RABGAP1L: variants seen among roughly 807,000 people sequenced by gnomAD.
RABGAP1L encodes RAB GTPase activating protein 1 like.
RABGAP1L carries 63 observed loss-of-function variants against 137.7 expected under a neutral mutation model. The observed-to-expected ratio is 0.46, with a 90% CI of 0.37 to 0.56. The LOEUF (loss-of-function observed/expected upper bound fraction) is 0.56. Among genes scored for constraint, RABGAP1L ranks in the 20% least tolerant of loss-of-function variants. RABGAP1L has a pLI of 0.00. For synonymous variants in RABGAP1L, 431 were observed against 433.7 expected, an observed-to-expected ratio of 0.99 and a Z score of 0.08; for missense variants, 1,095 against 1,244.0, an observed-to-expected ratio of 0.88 and a Z score of 1.80.
intron 11 of RABGAP1L, among the ~76,000 whole-genome samples, chr1:174,330,482 G>A (rs1190634006): frequency 1.3e-5 from 2 of 152,132 alleles, no homozygotes; most frequent in Non-Finnish European, 2.9e-5. Context: ...CTACTCAGGA[G>A]ACTGAGGGAG....
At chr1:174,554,424 G>C (rs749418768) in intron 13 of RABGAP1L, among the ~76,000 whole-genome samples, 9 of 152,134 alleles carry the variant, frequency 5.9e-5, no homozygotes, top group Non-Finnish European at 1.3e-4. Flanking sequence ...GGTGGCTGTA[G>C]AACTGAAATC....
intron 13 of RABGAP1L, among the ~76,000 whole-genome samples, chr1:174,420,482 A>G (rs1651126761): frequency 6.6e-6 from 1 of 152,158 alleles, no homozygotes. Context: ...TTGTTGACTG[A>G]GAGAACATTA....
At chr1:174,494,352 T>C (rs1351710789) in intron 13 of RABGAP1L, among the ~76,000 whole-genome samples, 7 of 152,198 alleles carry the variant, frequency 4.6e-5, no homozygotes, top group Non-Finnish European at 8.8e-5. Flanking sequence ...ACAGACCTGC[T>C]CAGTAGACTT....
At chr1:174,610,839 T>G (rs1671175165) in intron 13 of RABGAP1L, among the ~76,000 whole-genome samples, 1 of 152,238 alleles carries the variant, frequency 6.6e-6, no homozygotes, top group Admixed American at 6.5e-5. Context: ...GTTTTTTGGC[T>G]GCATAAATGT....
At chr1:174,972,488 A>C (rs1670221000) in intron 21 of RABGAP1L, among the ~76,000 whole-genome samples, 1 of 152,236 alleles carries the variant, frequency 6.6e-6, no homozygotes, top group African/African-American at 2.4e-5. Context: ...AACTTTCAGT[A>C]TCAATGAGAC....
intron 23 of RABGAP1L, 74 bp from the exon 24 acceptor site, chr1:174,982,759 AT>A: frequency 7.3e-7 from 1 of 1,377,438 alleles, no homozygotes; most frequent in Non-Finnish European, 1.0e-6. Flanking sequence ...TAACACATGA[AT>A]TGATAAGTAG....
intron 7 of RABGAP1L, among the ~76,000 whole-genome samples, chr1:174,267,417 C>T (rs1380750008): frequency 6.6e-6 from 1 of 152,092 alleles, no homozygotes; most frequent in Non-Finnish European, 1.5e-5. Context: ...TCAGTGGACT[C>T]TAGATATGCA....
intron 17 of RABGAP1L, among the ~76,000 whole-genome samples, chr1:174,723,690 A>G (rs1572932964): frequency 6.6e-6 from 1 of 152,270 alleles, no homozygotes; most frequent in East Asian, 1.9e-4. Context: ...TAAAATTTGC[A>G]GTTTGCTGCA....
chr1:174,700,998 C>T (rs1229297228), intron 16 of RABGAP1L: 5 of 1,200,792 alleles, frequency 4.2e-6, no homozygotes, highest in African/African-American at 1.6e-5. Flanking sequence ...AGCATTTGGA[C>T]GTTCCATTTG....
At chr1:174,550,935 C>CAT (rs1214806445) in intron 13 of RABGAP1L, among the ~76,000 whole-genome samples, 1 of 81,776 alleles carries the variant, frequency 1.2e-5, no homozygotes, top group Non-Finnish European at 2.2e-5. Flanking sequence ...TATATATACA[C>CAT]ATATATATAC....
intron 18 of RABGAP1L, among the ~76,000 whole-genome samples, chr1:174,766,515 A>G (rs1685682678): frequency 6.6e-6 from 1 of 152,244 alleles, no homozygotes; most frequent in South Asian, 2.1e-4. Context: ...GTTTTGAGAT[A>G]AGGAAGTGTG....
intron 13 of RABGAP1L, among the ~76,000 whole-genome samples, chr1:174,415,539 C>T (rs1650452170): frequency 6.6e-6 from 1 of 152,004 alleles, no homozygotes; most frequent in Non-Finnish European, 1.5e-5. Context: ...ACTGCTTAAT[C>T]TTTTAATAGG....
intron 12 of RABGAP1L, among the ~76,000 whole-genome samples, chr1:174,379,487 T>TG (rs1285995880): frequency 7.4e-6 from 1 of 135,996 alleles, no homozygotes; most frequent in Non-Finnish European, 1.5e-5. Context: ...TAGTTCTCCT[T>TG]GAAGAGGTCC....
chr1:174,247,891 G>A (rs569392577), intron 5 of RABGAP1L, among the ~76,000 whole-genome samples: 3 of 152,010 alleles, frequency 2.0e-5, no homozygotes, highest in South Asian at 4.2e-4. Flanking sequence ...ATGGGGAGCC[G>A]CTTTTTTTTT....
chr1:174,958,240 G>T, intron 20 of RABGAP1L: 1 of 1,240,270 alleles, frequency 8.1e-7, no homozygotes. Context: ...ATGAACAACA[G>T]TGATATTTGA....
rs909213369 is a variant in RABGAP1L, at chr1:174,383,038, A to G, written c.1560-10957A>G. The stretch of plus-strand genomic sequence containing the variant: ...GGACCCTCAGCTGCAGGTCTGTTGG[A>G]ATACCCTGCGATGTGAGGTGTCAGT... On this transcript the variant is annotated intron_variant, in intron 12 of 25. Coordinates refer to ENST00000681986, the MANE Select transcript of RABGAP1L (RefSeq NM_001366446.1). 1.3e-4 allele frequency among the ~76,000 whole-genome samples: 20 copies of G among 151,082 alleles called. 1 individual carries two copies. The highest frequency in any genetic ancestry group is 4.9e-4 in the African/African-American group (20 of 40,752).
intron 19 of RABGAP1L, among the ~76,000 whole-genome samples, chr1:174,925,835 T>G (rs890612218): frequency 1.3e-5 from 2 of 148,332 alleles, no homozygotes; most frequent in Non-Finnish European, 3.0e-5. Flanking sequence ...ATTTTGTTAT[T>G]TTGGTTTTTT....
rs987566213 is a variant in RABGAP1L, at chr1:174,993,504, A to T, written c.*3503A>T. On this transcript the variant is annotated 3_prime_UTR_variant, in exon 26 of 26. Coordinates refer to ENST00000681986, the MANE Select transcript of RABGAP1L (RefSeq NM_001366446.1). ...ACTAGTTGCTTTATTTCCTAGCTGA[A>T]GTGAGAAAACCAACGGAAAACAATA... The T allele has an allele frequency of 1.3e-5, 2 of 152,224 alleles. No homozygotes were observed. The highest frequency in any genetic ancestry group is 2.4e-5 in the African/African-American group (1 of 41,458). 9.4% of individuals were successfully genotyped at this position (152,224 alleles called of 1,614,324 possible). A position where few individuals can be genotyped will look rare whatever the true frequency, so the allele number is the denominator to read the frequency against.
chr1:174,747,871 CTT>C lies in RABGAP1L; in HGVS notation c.2170-4430_2170-4429del, dbSNP rs5778811. ...GGACCCAGAGAGCTATGCATTTTATCTTTTTTTTTTTTTAATATATGTCTTCA... is the reference window on the plus strand; with the variant it reads ...GGACCCAGAGAGCTATGCATTTTATCTTTTTTTTTTTAATATATGTCTTCA... On this transcript the variant is annotated intron_variant, in intron 17 of 25. Transcript: ENST00000681986. 3.6e-3 allele frequency among the ~76,000 whole-genome samples: 529 copies of C among 146,146 alleles called. 1 individual carries two copies. Among genetic ancestry groups the C allele is most frequent in the African/African-American group, 7.1e-3 (287 of 40,334 alleles).
Sources: allele counts gnomAD v4.1 joint callset (sites outside exome capture counted in the v4.1 genomes callset), GRCh38; gene constraint gnomAD v4.1.1; transcripts MANE v1.5; gene names NCBI Gene and HGNC (gene_info 2026-07-23, HGNC 2026-07-21).